ARHGAP6: variants seen among roughly 807,000 people sequenced by gnomAD.
The protein encoded by ARHGAP6 is rho GTPase-activating protein 6.
Under a neutral mutation model 55.7 loss-of-function variants are expected in ARHGAP6, and 16 were observed. The ratio of observed to expected loss-of-function variants is 0.29; its 90% confidence interval spans 0.19 to 0.44. The LOEUF (loss-of-function observed/expected upper bound fraction) is 0.44, where lower values mean the gene tolerates loss of function less well. ARHGAP6 is among the 20% of genes least tolerant of loss of function. The pLI, the probability that ARHGAP6 is intolerant of heterozygous loss-of-function variation, is 1.00. For missense variants in ARHGAP6, 698 were observed against 808.9 expected (o/e 0.86, Z 1.66); for synonymous variants, 382 against 360.9 (o/e 1.06, Z -0.66).
At chrX:11,221,737 G>A (rs2046975230) in intron 2 of ARHGAP6, among the ~76,000 whole-genome samples, 2 of 111,529 alleles carry the variant, frequency 1.8e-5, no homozygotes, top group African/African-American at 6.5e-5. Flanking sequence ...TAGGTTTGGG[G>A]TTACATGTGC....
At chrX:11,181,950 T>TAA (rs754110970) in intron 6 of ARHGAP6, 113 bp downstream of exon 6, 1,002 of 488,309 alleles carry the variant, frequency 2.1e-3, no homozygotes, top group Non-Finnish European at 2.4e-3. Context: ...GCTTGGAGGG[T>TAA]AAAAAAAAAA....
chrX:11,530,669 G>A (rs1431445406), intron 1 of ARHGAP6, among the ~76,000 whole-genome samples: 1 of 111,972 alleles, frequency 8.9e-6, no homozygotes, highest in African/African-American at 3.2e-5. Context: ...GTACAAGGGA[G>A]CAGAGATCTT....
At chrX:11,212,398 T>C (rs1194876822) in intron 2 of ARHGAP6, among the ~76,000 whole-genome samples, 4 of 112,542 alleles carry the variant, frequency 3.6e-5, no homozygotes, top group African/African-American at 9.7e-5. Flanking sequence ...CCCCCAAAAC[T>C]GCAGCTCCTG....
intron 8 of ARHGAP6, among the ~76,000 whole-genome samples, chrX:11,177,634 T>C (rs780281838): frequency 1.8e-5 from 2 of 111,696 alleles, no homozygotes; most frequent in South Asian, 7.6e-4. Context: ...GACACTAGAC[T>C]TCTTGCTCAT....
intron 1 of ARHGAP6, among the ~76,000 whole-genome samples, chrX:11,396,410 T>A (rs2049478364): frequency 9.0e-6 from 1 of 111,383 alleles, no homozygotes; most frequent in Admixed American, 9.6e-5. Flanking sequence ...AAGAGAGGTC[T>A]GGGGATGACT....
chrX:11,466,424 T>C (rs5935072), intron 1 of ARHGAP6, among the ~76,000 whole-genome samples: 3,032 of 108,410 alleles, frequency 0.028, 45 homozygotes, highest in Middle Eastern at 0.057. Context: ...AGAAAGAATA[T>C]GAAAAAAAAA....
intron 1 of ARHGAP6, among the ~76,000 whole-genome samples, chrX:11,583,163 A>G (rs968483798): frequency 1.8e-5 from 2 of 112,363 alleles, no homozygotes; most frequent in African/African-American, 6.5e-5. Context: ...CACACTCTCA[A>G]CTGCTACACC....
At chrX:11,647,728 A>G (rs925998555) in intron 1 of ARHGAP6, among the ~76,000 whole-genome samples, 1 of 112,254 alleles carries the variant, frequency 8.9e-6, no homozygotes, top group Admixed American at 9.5e-5. Context: ...TAAAAGAAAC[A>G]TTGTATTTTA....
intron 1 of ARHGAP6, among the ~76,000 whole-genome samples, chrX:11,608,906 T>G (rs967534738): frequency 9.9e-5 from 11 of 111,656 alleles, no homozygotes; most frequent in African/African-American, 3.6e-4. Context: ...GGGTATGTCT[T>G]TATCAGCAGT....
chrX:11,301,321 G>A (rs1380512155), intron 1 of ARHGAP6, among the ~76,000 whole-genome samples: 1 of 112,350 alleles, frequency 8.9e-6, no homozygotes, highest in Non-Finnish European at 1.9e-5. Flanking sequence ...TTAAACACAA[G>A]TCATTTCTTT....
intron 1 of ARHGAP6, among the ~76,000 whole-genome samples, chrX:11,582,926 A>C (rs925077464): frequency 3.6e-5 from 4 of 111,789 alleles, no homozygotes; most frequent in African/African-American, 9.7e-5. Flanking sequence ...AAAAGTTTTA[A>C]ATTTAAAAAA....
rs143637781 is a variant in ARHGAP6, at chrX:11,632,409, A to G, written c.588+31832T>C. 3.3e-4 allele frequency among the ~76,000 whole-genome samples: 37 copies of G among 112,436 alleles called. 1 individual carries two copies. In the East Asian group the frequency reaches 0.01, roughly 31 times the overall value. On this transcript the variant is annotated intron_variant, in intron 1 of 12. Transcript: ENST00000337414. ...CTGCTAGAAAGCCTTTGGGGTTACC[A>G]TTTATGTGACTTTATTAAAACCTGC...
intron 1 of ARHGAP6, among the ~76,000 whole-genome samples, chrX:11,650,966 G>A (rs970459703): frequency 2.7e-5 from 3 of 111,814 alleles, no homozygotes; most frequent in African/African-American, 9.7e-5. Context: ...AACATTAGAA[G>A]CCAGATTCAA....
At chrX:11,300,688 T>C (rs1385588941) in intron 1 of ARHGAP6, 3 of 1,000,346 alleles carry the variant, frequency 3.0e-6, no homozygotes, top group Non-Finnish European at 4.2e-6. Context: ...GATTTTTGCT[T>C]ATAATCACTT....
chrX:11,529,473 T>C (rs1186703227), intron 1 of ARHGAP6, among the ~76,000 whole-genome samples: 1 of 112,342 alleles, frequency 8.9e-6, no homozygotes, highest in African/African-American at 3.2e-5. Context: ...TATAAAATTA[T>C]GGTGCCAAAT....
intron 1 of ARHGAP6, among the ~76,000 whole-genome samples, chrX:11,384,623 G>A (rs2049306309): frequency 8.9e-6 from 1 of 112,203 alleles, no homozygotes; most frequent in Admixed American, 9.4e-5. Context: ...GTTGCATAGG[G>A]TGTTTCAAAT....
intron 2 of ARHGAP6, among the ~76,000 whole-genome samples, chrX:11,241,078 CAAAAA>C (rs59066875): frequency 5.7e-5 from 3 of 52,977 alleles, no homozygotes; most frequent in African/African-American, 1.8e-4. Flanking sequence ...GCCTGGGCGA[CAAAAA>C]AAAAAAAAAA....
chrX:11,257,119 C>A (rs1384546200), intron 1 of ARHGAP6, among the ~76,000 whole-genome samples: 1 of 111,841 alleles, frequency 8.9e-6, no homozygotes, highest in African/African-American at 3.3e-5. Context: ...TAGAGAACTA[C>A]AAGGAACACT....
chrX:11,221,895 C>G (rs1487992639), intron 2 of ARHGAP6, among the ~76,000 whole-genome samples: 3 of 111,030 alleles, frequency 2.7e-5, no homozygotes, highest in Non-Finnish European at 5.7e-5. Flanking sequence ...CTACCCTCCA[C>G]CCTTAAGTAG....
Sources: gnomAD v4.1 joint callset for allele counts (sites outside exome capture counted in the v4.1 genomes callset) on GRCh38, gnomAD v4.1.1 for gene constraint, MANE v1.5 for transcripts, NCBI Gene and HGNC (gene_info 2026-07-23, HGNC 2026-07-21) for gene names.